Variants in AOX1 observed in about 807,000 individuals in gnomAD.
AOX1 encodes the protein aldehyde oxidase 1.
In AOX1, 153 loss-of-function variants were observed where a neutral mutation model predicts 169.5. The ratio of observed to expected loss-of-function variants is 0.90; its 90% CI spans 0.79 to 1.03. AOX1 has a LOEUF of 1.03. Among genes scored for constraint, AOX1 ranks in the 50% least tolerant of loss-of-function variants. AOX1 has a pLI of 0.00. For missense variants in AOX1, 1,656 were observed against 1,663.9 expected, an observed-to-expected ratio of 1.00 and a Z score of 0.08; for synonymous variants, 562 against 581.9, an observed-to-expected ratio of 0.97 and a Z score of 0.49.
intron 27 of AOX1, among the ~76,000 whole-genome samples, chr2:200,657,182 A>T (rs1207032288): frequency 3.0e-5 from 2 of 66,500 alleles, no homozygotes; most frequent in African/African-American, 1.2e-4. Flanking sequence ...ATATATATAT[A>T]TATATATATT....
At chr2:200,602,252 T>A in intron 5 of AOX1, 32 bp from the exon 6 acceptor site, 1 of 1,607,946 alleles carries the variant, frequency 6.2e-7, no homozygotes, top group Non-Finnish European at 8.5e-7. Context: ...TCTGGGTCAC[T>A]TGGCTAACAG....
At chr2:200,612,501 A>G (rs2034659791) in intron 13 of AOX1, 108 bp from the exon 14 acceptor site, 1 of 1,105,468 alleles carries the variant, frequency 9.0e-7, no homozygotes, top group Non-Finnish European at 1.3e-6. Context: ...GTGACACTCA[A>G]CACACACAGA....
At position 200,612,625 on chromosome 2, in the gene AOX1, C is replaced by G. The variant is rs1352626906; in HGVS notation, c.1280C>G (p.Ala427Gly). The G allele has an allele frequency of 1.2e-6, 2 of 1,613,532 alleles. No individual in the cohort carries two copies. Among genetic ancestry groups the G allele is most frequent in the Non-Finnish European group, 8.5e-7 (1 of 1,179,878 alleles). ...TTCTTTCAGTGGGAATTTGTGTCAG[C>G]CTTCCGACAAGCCCAGCGACAGGAG... ...PYSRKWEFVSAFRQAQRQENA... is the reference protein window; with the variant it reads ...PYSRKWEFVSGFRQAQRQENA... Residue 427 changes from alanine (A) to glycine (G), a missense_variant, in exon 14 of 35, where the codon GCC (alanine) becomes GGC (glycine). By Grantham distance (60) the Ala-to-Gly change is moderately conservative (BLOSUM62 0). Coordinates refer to ENST00000374700, the MANE Select transcript of AOX1 (RefSeq NM_001159.4).
intron 7 of AOX1, 144 bp from the exon 8 acceptor site, chr2:200,603,873 T>G: frequency 1.6e-6 from 1 of 609,188 alleles, no homozygotes; most frequent in Non-Finnish European, 2.9e-6. Flanking sequence ...AGCCCTTGGT[T>G]TGGAGCGCGG....
intron 1 of AOX1, among the ~76,000 whole-genome samples, chr2:200,591,019 A>G (rs753839195): frequency 1.3e-5 from 2 of 152,226 alleles, no homozygotes; most frequent in African/African-American, 2.4e-5. Context: ...TCTGCCACCA[A>G]TAACTTCTGT....
In AOX1 at chr2:200,587,827, A is replaced by G. The variant is rs568903404; in HGVS notation, c.45+1674A>G. On this transcript the variant is annotated intron_variant, in intron 1 of 34. Transcript: ENST00000374700. The stretch of plus-strand genomic sequence containing the variant: ...TCAATTCCAATTCTAATTCTGATTG[A>G]GAAAACCTAACCTCTCAGAGGCCCA... 5.9e-5 allele frequency among the ~76,000 whole-genome samples: 9 copies of G among 152,322 alleles called. No homozygotes were observed. The East Asian group carries it at 1.7e-3, about 29-fold the overall frequency.
At chr2:200,639,399 G>A (rs1160266321) in intron 23 of AOX1, among the ~76,000 whole-genome samples, 1 of 152,180 alleles carries the variant, frequency 6.6e-6, no homozygotes, top group Admixed American at 6.5e-5. Flanking sequence ...AACTGTAAGG[G>A]AGGCTGGGAA....
intron 33 of AOX1, among the ~76,000 whole-genome samples, chr2:200,669,241 C>A (rs1214985378): frequency 6.6e-6 from 1 of 152,128 alleles, no homozygotes; most frequent in Non-Finnish European, 1.5e-5. Flanking sequence ...TCCAAGAGTT[C>A]GAGACCAGCC....
intron 23 of AOX1, among the ~76,000 whole-genome samples, chr2:200,638,969 G>A (rs2035298450): frequency 6.6e-6 from 1 of 152,162 alleles, no homozygotes; most frequent in South Asian, 2.1e-4. Context: ...TCAGGGACTG[G>A]AGCTGTTTCC....
chr2:200,625,962 G>A (rs2034992968), intron 19 of AOX1, among the ~76,000 whole-genome samples: 5 of 152,154 alleles, frequency 3.3e-5, no homozygotes. Context: ...GAATCAAGGG[G>A]TAAGGCTGAT....
Position 200,651,015 on chromosome 2 carries a change from C to T in AOX1, c.2889C>T (p.Pro963=), listed in dbSNP as rs1450412998. The part of the protein sequence containing the change: ...INMYKEIDQT[P]YKQEINAKNL... The stretch of plus-strand genomic sequence containing the variant: ...TGTACAAGGAAATTGATCAAACACC[C>T]TACAAACAAGAGATCAATGCCAAGA... Residue 963 remains proline (P), a synonymous_variant, in exon 26 of 35, where the codon CCC becomes CCT. Transcript: ENST00000374700. The T allele has an allele frequency of 1.2e-6, 2 of 1,614,166 alleles. No homozygotes were observed. Among genetic ancestry groups the T allele is most frequent in the Admixed American group, 3.3e-5 (2 of 60,014 alleles).
Position 200,612,718 on chromosome 2 carries a change from A to T in AOX1, c.1373A>T (p.Glu458Val). The change falls in exon 14 of 35, where the codon GAG becomes GTG. Residue 458 changes from glutamate (E) to valine (V), a missense_variant. Physicochemically the swap from Glu to Val is moderately radical, Grantham distance 121. Transcript: ENST00000374700. ...FFGEGDGIIR[E>V]LCISYGGVGP... ...GGAGAAGGGGATGGCATTATTAGAG[A>T]GTTATGCATCTCATATGGAGGCGTT... is the stretch of plus-strand genomic sequence containing the variant. 1 of 1,614,028 alleles carries T rather than the reference A, an allele frequency of 6.2e-7. No individual in the cohort carries two copies. Among genetic ancestry groups the T allele is most frequent in the Non-Finnish European group, 8.5e-7 (1 of 1,179,978 alleles).
chr2:200,671,474 A>G lies in AOX1; in HGVS notation c.*795A>G, dbSNP rs992347752. The G allele has an allele frequency of 1.3e-5, 2 of 152,254 alleles. No homozygotes were observed. The highest frequency in any genetic ancestry group is 2.4e-5 in the African/African-American group (1 of 41,472). 9.4% of individuals were successfully genotyped at this position (152,254 alleles called of 1,614,324 possible). ...TCACATGCATAAATATTATGTATCA[A>G]TAAAATTTTTTAATGGGCAAAGGAT... On this transcript the variant is annotated 3_prime_UTR_variant, in exon 35 of 35. Transcript: ENST00000374700.
downstream of AOX1, among the ~76,000 whole-genome samples, chr2:200,681,644 G>C (rs2036153497): frequency 6.6e-6 from 1 of 152,226 alleles, no homozygotes; most frequent in Non-Finnish European, 1.5e-5. Context: ...GTGTGGGCAA[G>C]AATTATCCAT....
intron 31 of AOX1, among the ~76,000 whole-genome samples, chr2:200,666,471 A>C (rs77225800): frequency 0.09 from 13,744 of 152,290 alleles, 742 homozygotes; most frequent in Middle Eastern, 0.14. Flanking sequence ...CAAGAAAAAA[A>C]GACAGTGCTT....
intron 20 of AOX1, among the ~76,000 whole-genome samples, chr2:200,628,854 G>A (rs759683679): frequency 1.3e-5 from 2 of 152,158 alleles, no homozygotes; most frequent in African/African-American, 2.4e-5. Context: ...TTGAACCCTG[G>A]AGGCAGAGGT....
At chr2:200,644,350 T>C (rs2035410483) in intron 25 of AOX1, among the ~76,000 whole-genome samples, 1 of 152,214 alleles carries the variant, frequency 6.6e-6, no homozygotes, top group Non-Finnish European at 1.5e-5. Flanking sequence ...TTGTTCGCTT[T>C]GTCAAAGATC....
Position 200,621,287 on chromosome 2 carries a change from A to T in AOX1, c.2001+41A>T, listed in dbSNP as rs189563761. 2.5e-6 allele frequency: 4 copies of T among 1,600,816 alleles called. No homozygotes were observed. The Admixed American group carries it at 5.2e-5, about 21-fold the overall frequency. Reference sequence around the variant, plus strand: ...TTTCTATTTGAAAAATAACTTTCTCAGTTAACGGTGCTTCATATTTTCTTA... The same window carrying T: ...TTTCTATTTGAAAAATAACTTTCTCTGTTAACGGTGCTTCATATTTTCTTA... On this transcript the variant is annotated intron_variant, in intron 18 of 34. Coordinates refer to ENST00000374700, the MANE Select transcript of AOX1 (RefSeq NM_001159.4).
At chr2:200,623,198 C>T (rs933093777) in intron 18 of AOX1, among the ~76,000 whole-genome samples, 1 of 152,114 alleles carries the variant, frequency 6.6e-6, no homozygotes, top group Admixed American at 6.5e-5. Flanking sequence ...CTGTTTTTAC[C>T]TTTCTCAAGT....
Sources: allele counts gnomAD v4.1 joint callset (sites outside exome capture counted in the v4.1 genomes callset), GRCh38; gene constraint gnomAD v4.1.1; transcripts MANE v1.5; gene names NCBI Gene and HGNC (gene_info 2026-07-23, HGNC 2026-07-21).